The following CNNM2 variants were observed in gnomAD, a reference collection of about 807,000 sequenced individuals.
CNNM2 encodes metal transporter CNNM2.
Under a neutral mutation model 66.9 loss-of-function variants are expected in CNNM2, and 12 were observed. That is an observed-to-expected ratio of 0.18 (90% confidence interval 0.11 to 0.29). CNNM2 has a LOEUF of 0.29. CNNM2 is among the 10% of genes least tolerant of loss of function. The pLI is 1.00. For missense variants in CNNM2, 705 were observed against 1,167.7 expected (o/e 0.60, Z 5.77); for synonymous variants, 557 against 501.8 (o/e 1.11, Z -1.47).
chr10:102,982,911 TTAAAC>T (rs1192303775), intron 1 of CNNM2, among the ~76,000 whole-genome samples: 1 of 152,216 alleles, frequency 6.6e-6, no homozygotes, highest in Non-Finnish European at 1.5e-5. Context: ...TTAACATTAA[TTAAAC>T]TAATCTAAGT....
At chr10:102,996,356 A>C (rs1040836643) in intron 1 of CNNM2, among the ~76,000 whole-genome samples, 6 of 151,622 alleles carry the variant, frequency 4.0e-5, no homozygotes, top group Admixed American at 1.3e-4. Context: ...TTTTATTATC[A>C]AGGCCTTTTC....
intron 1 of CNNM2, chr10:102,927,394 A>T (rs1443791820): frequency 1.7e-5 from 28 of 1,613,696 alleles, no homozygotes; most frequent in Non-Finnish European, 2.3e-5. Context: ...AAGAAGAGAC[A>T]ATAAGAAGCA....
intron 1 of CNNM2, among the ~76,000 whole-genome samples, chr10:102,977,195 A>G (rs1264553166): frequency 6.6e-6 from 1 of 152,188 alleles, no homozygotes; most frequent in Non-Finnish European, 1.5e-5. Flanking sequence ...ACTCTCATGG[A>G]TGTTTGTACA....
At chr10:103,037,622 A>G (rs945273525) in intron 1 of CNNM2, among the ~76,000 whole-genome samples, 1 of 152,206 alleles carries the variant, frequency 6.6e-6, no homozygotes, top group African/African-American at 2.4e-5. Flanking sequence ...ATAGCCTCAA[A>G]AAATAATGCC....
At chr10:103,022,467 A>G (rs989713460) in intron 1 of CNNM2, among the ~76,000 whole-genome samples, 1 of 152,196 alleles carries the variant, frequency 6.6e-6, no homozygotes, top group African/African-American at 2.4e-5. Context: ...ACTGGATCCT[A>G]TACCGGCTTA....
intron 4 of CNNM2, among the ~76,000 whole-genome samples, chr10:103,062,415 C>T (rs895278366): frequency 2.6e-5 from 4 of 152,152 alleles, no homozygotes; most frequent in African/African-American, 4.8e-5. Context: ...TACCCTAGTG[C>T]AGTAACGGAT....
At position 103,011,646 on chromosome 10, in the gene CNNM2, CTGTGTGTG is replaced by C. The variant is rs10624803; in HGVS notation, c.1622-38029_1622-38022del. 4.1e-3 allele frequency among the ~76,000 whole-genome samples: 553 copies of C among 136,052 alleles called. 4 individuals are homozygous for C. Among genetic ancestry groups the C allele is most frequent in the African/African-American group, 0.014 (516 of 36,104 alleles). 89.3% of individuals were successfully genotyped at this position (136,052 alleles called of 152,430 possible). Reference sequence around the variant, plus strand: ...TTCTTTTGCATAAGTAATACTTGCACTGTGTGTGTGTGTGTGTGTGTGTGTGTGTGTGT... The same window carrying C: ...TTCTTTTGCATAAGTAATACTTGCACTGTGTGTGTGTGTGTGTGTGTGTGT... On this transcript the variant is annotated intron_variant, in intron 1 of 7. Coordinates refer to ENST00000369878, the MANE Select transcript of CNNM2 (RefSeq NM_017649.5).
At chr10:102,959,970 T>C (rs2134202409) in intron 1 of CNNM2, among the ~76,000 whole-genome samples, 1 of 151,930 alleles carries the variant, frequency 6.6e-6, no homozygotes, top group African/African-American at 2.4e-5. Context: ...GAAAATGGTG[T>C]GAACCCGGGA....
intron 5 of CNNM2, among the ~76,000 whole-genome samples, chr10:103,070,726 T>TC (rs1395428275): frequency 6.6e-6 from 1 of 152,104 alleles, no homozygotes; most frequent in East Asian, 1.9e-4. Context: ...GGTCAGGAGT[T>TC]CAAGACCAGC....
At chr10:103,065,356 CG>C (rs1277421035) in intron 4 of CNNM2, among the ~76,000 whole-genome samples, 27 of 152,264 alleles carry the variant, frequency 1.8e-4, no homozygotes, top group African/African-American at 6.0e-4. Context: ...GCCCGAGGGC[CG>C]GAGCCAGAGT....
intron 1 of CNNM2, among the ~76,000 whole-genome samples, chr10:102,975,010 A>G (rs568248536): frequency 6.6e-6 from 1 of 152,320 alleles, no homozygotes; most frequent in South Asian, 2.1e-4. Context: ...GGATATGTAA[A>G]GGAAGAGGAT....
At chr10:103,023,004 G>A (rs1244558118) in intron 1 of CNNM2, among the ~76,000 whole-genome samples, 1 of 152,120 alleles carries the variant, frequency 6.6e-6, no homozygotes, top group Non-Finnish European at 1.5e-5. Flanking sequence ...CCGGGCTCAG[G>A]TGATTCTCCT....
chr10:103,002,477 A>ATTT, intron 1 of CNNM2, among the ~76,000 whole-genome samples: 2 of 119,352 alleles, frequency 1.7e-5, no homozygotes, highest in South Asian at 2.8e-4. Context: ...CAAGACTGGA[A>ATTT]TCTTTTTTTT....
At chr10:103,041,015 G>A (rs1217436317) in intron 1 of CNNM2, among the ~76,000 whole-genome samples, 2 of 152,138 alleles carry the variant, frequency 1.3e-5, no homozygotes, top group Non-Finnish European at 1.5e-5. Context: ...CATGTGATCT[G>A]TCTATGCTTA....
chr10:103,061,300 C>T (rs1363755186), intron 4 of CNNM2, among the ~76,000 whole-genome samples: 1 of 151,878 alleles, frequency 6.6e-6, no homozygotes, highest in Admixed American at 6.6e-5. Context: ...AGCTGAGGCC[C>T]GAGAATCACT....
rs760881297 is a variant in CNNM2, at chr10:102,920,007, C to T, written c.1527C>T (p.Thr509=). The T allele has an allele frequency of 1.2e-6, 2 of 1,614,036 alleles. No homozygotes were observed. The highest frequency in any genetic ancestry group is 1.3e-5 in the African/African-American group (1 of 74,898). ...DLAFVDPDDC[T]PLKTITKFYN... Reference sequence around the variant, plus strand: ...CCTTCGTGGATCCCGATGACTGTACCCCCCTGAAAACCATCACCAAATTTT... The same window carrying T: ...CCTTCGTGGATCCCGATGACTGTACTCCCCTGAAAACCATCACCAAATTTT... Residue 509 remains threonine, a synonymous_variant, in exon 1 of 8, where the codon ACC becomes ACT. Transcript: ENST00000369878.
At chr10:102,962,959 T>C (rs189869330) in intron 1 of CNNM2, among the ~76,000 whole-genome samples, 1 of 152,152 alleles carries the variant, frequency 6.6e-6, no homozygotes, top group Non-Finnish European at 1.5e-5. Flanking sequence ...TCACAACATA[T>C]TGTACTTAAT....
rs2065707521 is a variant in CNNM2, at chr10:103,077,245, C to T, written c.*65C>T. On this transcript the variant is annotated 3_prime_UTR_variant, in exon 8 of 8. Transcript: ENST00000369878. Reference sequence around the variant, plus strand: ...GTCCCGAGGGCCCGGCCCTGTCTGCCCATGACTTCACTGGTGTGAGCTTGT... The same window carrying T: ...GTCCCGAGGGCCCGGCCCTGTCTGCTCATGACTTCACTGGTGTGAGCTTGT... 1 of 1,435,030 alleles carries T rather than the reference C, an allele frequency of 7.0e-7. No individual in the cohort carries two copies. Among genetic ancestry groups the T allele is most frequent in the Admixed American group, 1.7e-5 (1 of 58,332 alleles). 88.9% of individuals were successfully genotyped at this position (1,435,030 alleles called of 1,614,324 possible). A position where few individuals can be genotyped will look rare whatever the true frequency, so the allele number is the denominator to read the frequency against.
At chr10:103,064,664 C>A (rs2134353446) in intron 4 of CNNM2, among the ~76,000 whole-genome samples, 1 of 152,238 alleles carries the variant, frequency 6.6e-6, no homozygotes, top group South Asian at 2.1e-4. Context: ...CATAGTGAGA[C>A]CCCGTCTCTA....
Sources: gnomAD v4.1 joint callset for allele counts (sites outside exome capture counted in the v4.1 genomes callset) on GRCh38, gnomAD v4.1.1 for gene constraint, MANE v1.5 for transcripts, NCBI Gene and HGNC (gene_info 2026-07-23, HGNC 2026-07-21) for gene names.